Variants in HDAC4 observed in about 807,000 individuals in gnomAD.
HDAC4 encodes histone deacetylase A.
HDAC4 carries 16 observed loss-of-function variants against 135.1 expected under a neutral mutation model. That is an observed-to-expected ratio of 0.12 (90% CI 0.08 to 0.18). HDAC4 has a LOEUF of 0.18. Among genes scored for constraint, HDAC4 ranks in the 10% least tolerant of loss-of-function variants. The pLI is 1.00. For missense variants in HDAC4, 1,143 were observed against 1,511.8 expected, an observed-to-expected ratio of 0.76 and a Z score of 4.05; for synonymous variants, 685 against 653.4, an observed-to-expected ratio of 1.05 and a Z score of -0.74.
At position 239,139,129 on chromosome 2, in the gene HDAC4, T is replaced by A. The variant is rs1290934213; in HGVS notation, c.978+555A>T. On this transcript the variant is annotated intron_variant, in intron 9 of 26. Transcript: ENST00000543185. This position sits in a 1 kb window ranked among gnomAD's most constrained non-coding sequence, Gnocchi z 5.3. ...CTGGTTCCCGTGATGCCTGGAAAAG[T>A]TCCCCGCTCTGTGGCTTTGGCCGGC... is the stretch of plus-strand genomic sequence containing the variant. Among the ~76,000 whole-genome samples the A allele has an allele frequency of 1.3e-5, 2 of 152,198 alleles. No homozygotes were observed. The highest frequency in any genetic ancestry group is 4.8e-5 in the African/African-American group (2 of 41,452).
rs1340898258 is a variant in HDAC4, at chr2:239,115,838, G to A, written c.1534-528C>T. 2.0e-5 allele frequency among the ~76,000 whole-genome samples: 3 copies of A among 152,118 alleles called. No homozygotes were observed. The highest frequency in any genetic ancestry group is 4.2e-4 in the South Asian group (2 of 4,804). On this transcript the variant is annotated intron_variant, in intron 12 of 26. Coordinates refer to ENST00000543185, the MANE Select transcript of HDAC4 (RefSeq NM_001378414.1). The surrounding 1 kb of genome is among the most constrained non-coding windows in gnomAD (Gnocchi z 6.3). ...GATGTGCCATGACCTCCCTCCTGCC[G>A]GATCCTGGGAACACTCCAGGACCTC...
Position 239,309,218 on chromosome 2 carries a change from C to T in HDAC4, c.22+43460G>A, listed in dbSNP as rs2052757808. The T allele has an allele frequency of 6.6e-6, 1 of 152,126 alleles. No homozygotes were observed. The highest frequency in any genetic ancestry group is 2.1e-4 in the South Asian group (1 of 4,828). 9.4% of individuals were successfully genotyped at this position (152,126 alleles called of 1,614,324 possible). A position where few individuals can be genotyped will look rare whatever the true frequency, so the allele number is the denominator to read the frequency against. The stretch of plus-strand genomic sequence containing the variant: ...GCCTCGCTGGGGAAGAATTCAGCCG[C>T]TCCACCCTGACATCTGGTTTCTATT... On this transcript the variant is annotated intron_variant, in intron 2 of 26. Coordinates refer to ENST00000543185, the MANE Select transcript of HDAC4 (RefSeq NM_001378414.1). The surrounding 1 kb of genome is among the most constrained non-coding windows in gnomAD (Gnocchi z 4.2).
chr2:239,176,837 C>A (rs1300673830), intron 4 of HDAC4, among the ~76,000 whole-genome samples: 1 of 152,204 alleles, frequency 6.6e-6, no homozygotes, highest in African/African-American at 2.4e-5. Context: ...GTTATGTTAT[C>A]TTGCAAGTTG....
At chr2:239,066,431 G>C (rs1178876717) in intron 24 of HDAC4, among the ~76,000 whole-genome samples, 1 of 152,248 alleles carries the variant, frequency 6.6e-6, no homozygotes, top group Non-Finnish European at 1.5e-5. Context: ...AATGGAGAGA[G>C]GGACCCTGAA....
intron 2 of HDAC4, among the ~76,000 whole-genome samples, chr2:239,326,716 A>T (rs1278901559): frequency 6.6e-6 from 1 of 152,250 alleles, no homozygotes; most frequent in Non-Finnish European, 1.5e-5. Flanking sequence ...AGGAGTTGGA[A>T]GAAAACAACA....
rs774707683 is a variant in HDAC4, at chr2:239,051,569, C to T, written c.*1528G>A. On this transcript the variant is annotated 3_prime_UTR_variant, in exon 27 of 27. Transcript: ENST00000543185. Reference sequence around the variant, plus strand: ...TTTGTGAAAAAATTCATACAAAAATCAACAGCAAATTTATATTCTTTGCTA... The same window carrying T: ...TTTGTGAAAAAATTCATACAAAAATTAACAGCAAATTTATATTCTTTGCTA... The T allele has an allele frequency of 1.3e-5, 2 of 152,524 alleles. No homozygotes were observed. Among genetic ancestry groups the T allele is most frequent in the Non-Finnish European group, 2.9e-5 (2 of 68,006 alleles). The allele number at this position is 152,524 out of a possible 1,614,324, so 9.4% of individuals were successfully genotyped here.
intron 4 of HDAC4, among the ~76,000 whole-genome samples, chr2:239,184,068 GTAA>G (rs1288914270): frequency 2.9e-5 from 1 of 34,050 alleles, no homozygotes; most frequent in Admixed American, 4.0e-4. Context: ...CCTTGCTAGT[GTAA>G]AAAAAAAAAA....
chr2:239,226,398 CT>C (rs2047242386), intron 3 of HDAC4, among the ~76,000 whole-genome samples: 1 of 152,152 alleles, frequency 6.6e-6, no homozygotes, highest in Non-Finnish European at 1.5e-5. Context: ...TTGAGGGGCA[CT>C]GCTGGGACTG....
At chr2:239,286,688 G>A (rs1056870057) in intron 2 of HDAC4, among the ~76,000 whole-genome samples, 4 of 152,104 alleles carry the variant, frequency 2.6e-5, no homozygotes, top group Non-Finnish European at 4.4e-5. Context: ...GACAAAACTG[G>A]GAGCATCAAG....
At chr2:239,236,523 GC>G (rs1559266196) in intron 3 of HDAC4, 69 bp downstream of exon 3, 1 of 1,255,458 alleles carries the variant, frequency 8.0e-7, no homozygotes, top group East Asian at 2.5e-5. Context: ...CTCCAATAAG[GC>G]AGAGCGTCTG....
intron 2 of HDAC4, among the ~76,000 whole-genome samples, chr2:239,335,364 T>TA (rs766194765): frequency 0.044 from 6,075 of 137,402 alleles, 360 homozygotes; most frequent in African/African-American, 0.14. Context: ...ACCTCACACA[T>TA]AAAAAAAAAA....
chr2:239,274,992 G>A (rs2125283510), intron 2 of HDAC4, among the ~76,000 whole-genome samples: 1 of 152,364 alleles, frequency 6.6e-6, no homozygotes. Context: ...TGTGTGAGAG[G>A]GAAGAACAGA....
intron 1 of HDAC4, among the ~76,000 whole-genome samples, chr2:239,397,375 TGGCGTCAGCTACG>T (rs960499746): frequency 6.6e-5 from 10 of 152,350 alleles, no homozygotes; most frequent in African/African-American, 2.4e-4. Flanking sequence ...GGTGCTCATC[TGGCGTCAGCTACG>T]GGAGCACGTG....
chr2:239,229,941 A>G (rs1478999206), intron 3 of HDAC4, among the ~76,000 whole-genome samples: 15 of 152,288 alleles, frequency 9.8e-5, no homozygotes, highest in Non-Finnish European at 8.8e-5. Context: ...TTCCCCCCCA[A>G]GAGGCAGTTT....
intron 4 of HDAC4, among the ~76,000 whole-genome samples, chr2:239,178,059 C>T (rs1484351939): frequency 6.6e-6 from 1 of 152,252 alleles, no homozygotes; most frequent in African/African-American, 2.4e-5. Flanking sequence ...CGTTCGCATG[C>T]TCCAGGGTTC....
At chr2:239,328,913 C>T (rs1307820901) in intron 2 of HDAC4, among the ~76,000 whole-genome samples, 1 of 152,218 alleles carries the variant, frequency 6.6e-6, no homozygotes, top group Non-Finnish European at 1.5e-5. Context: ...AAGAGCTCCC[C>T]GAAGCAGCAT....
intron 7 of HDAC4, among the ~76,000 whole-genome samples, chr2:239,149,864 G>A (rs2042002043): frequency 2.0e-5 from 3 of 151,956 alleles, no homozygotes; most frequent in Admixed American, 2.0e-4. Context: ...TGGAGGGGGT[G>A]GGGAAAATGG....
intron 2 of HDAC4, among the ~76,000 whole-genome samples, chr2:239,339,788 A>C (rs1167053141): frequency 6.6e-6 from 1 of 152,176 alleles, no homozygotes; most frequent in Admixed American, 6.5e-5. Flanking sequence ...GGTAACTTCC[A>C]AAGAAATGGA....
At chr2:239,340,939 C>T (rs1279706722) in intron 2 of HDAC4, among the ~76,000 whole-genome samples, 1 of 152,186 alleles carries the variant, frequency 6.6e-6, no homozygotes, top group African/African-American at 2.4e-5. Context: ...CACTGCAGCA[C>T]CCACTAAACA....
Sources: gnomAD v4.1 joint callset for allele counts (sites outside exome capture counted in the v4.1 genomes callset) on GRCh38, gnomAD v4.1.1 for gene constraint, Gnocchi (gnomAD v3.1) non-coding constraint, MANE v1.5 for transcripts, NCBI Gene and HGNC (gene_info 2026-07-23, HGNC 2026-07-21) for gene names.